Variants in ZNF385D observed in about 807,000 individuals in gnomAD.
ZNF385D encodes the protein zinc finger protein 385D.
ZNF385D carries 15 observed loss-of-function variants against 35.8 expected under a neutral mutation model. That is an observed-to-expected ratio of 0.42 (90% CI 0.28 to 0.64). The LOEUF is 0.64. ZNF385D is among the 30% of genes least tolerant of loss of function. The probability of loss-of-function intolerance (pLI) is 0.23; values close to 1 mark genes in which losing one functional copy is unlikely to be tolerated. For missense variants in ZNF385D, 474 were observed against 494.6 expected, an observed-to-expected ratio of 0.96 and a Z score of 0.39; for synonymous variants, 212 against 186.8, an observed-to-expected ratio of 1.13 and a Z score of -1.10.
At chr3:22,124,564 C>G (rs776913288) in intron 3 of ZNF385D, among the ~76,000 whole-genome samples, 1 of 152,092 alleles carries the variant, frequency 6.6e-6, no homozygotes, top group Non-Finnish European at 1.5e-5. Flanking sequence ...ATTCCTGTCT[C>G]CACATTCTCG....
chr3:22,085,639 C>A (rs1559357394), intron 3 of ZNF385D, among the ~76,000 whole-genome samples: 1 of 152,148 alleles, frequency 6.6e-6, no homozygotes, highest in Admixed American at 6.5e-5. Flanking sequence ...CCGAATTCTA[C>A]CAGAGGTACA....
intron 3 of ZNF385D, among the ~76,000 whole-genome samples, chr3:22,132,922 A>T (rs1703885691): frequency 6.6e-6 from 1 of 152,158 alleles, no homozygotes; most frequent in Non-Finnish European, 1.5e-5. Context: ...CGGTTAACTT[A>T]TGAAAATGTA....
chr3:21,796,851 C>T (rs2072175528), intron 3 of ZNF385D, among the ~76,000 whole-genome samples: 1 of 152,156 alleles, frequency 6.6e-6, no homozygotes, highest in African/African-American at 2.4e-5. Context: ...ACTCAGTCCA[C>T]AAGGCACTGG....
chr3:21,878,564 C>G (rs1315755631), intron 3 of ZNF385D, among the ~76,000 whole-genome samples: 1 of 152,038 alleles, frequency 6.6e-6, no homozygotes, highest in Non-Finnish European at 1.5e-5. Flanking sequence ...ATTTTAACAG[C>G]TGCATAGTAT....
intron 3 of ZNF385D, among the ~76,000 whole-genome samples, chr3:22,114,673 CA>C (rs1702719347): frequency 6.6e-6 from 1 of 152,042 alleles, no homozygotes; most frequent in South Asian, 2.1e-4. Flanking sequence ...TCTCCCAGGT[CA>C]GGGGTGAAGA....
upstream of ZNF385D, among the ~76,000 whole-genome samples, chr3:21,753,677 GAT>G: frequency 1.3e-5 from 2 of 152,276 alleles, no homozygotes; most frequent in East Asian, 3.9e-4. Flanking sequence ...GAAAACAAGT[GAT>G]GTTTGTTTTA....
chr3:21,945,993 T>C (rs889008757), intron 3 of ZNF385D, among the ~76,000 whole-genome samples: 3 of 152,194 alleles, frequency 2.0e-5, no homozygotes, highest in Non-Finnish European at 2.9e-5. Context: ...AACTCAGTAA[T>C]CATCTCTTAA....
At chr3:21,584,334 C>G (rs1331463301) in intron 2 of ZNF385D, among the ~76,000 whole-genome samples, 2 of 152,310 alleles carry the variant, frequency 1.3e-5, no homozygotes, top group East Asian at 3.9e-4. Flanking sequence ...TGTCTTTTAA[C>G]TGCAACTCAT....
In ZNF385D at chr3:22,137,485, G is replaced by A. The variant is rs539937486; in HGVS notation, c.325+31332C>T. ...AAGCTTATCCACCATGATCAAATGGGCTTCATCCCTGGGATGCAAGGCTGG... is the reference window on the plus strand; with the variant it reads ...AAGCTTATCCACCATGATCAAATGGACTTCATCCCTGGGATGCAAGGCTGG... On this transcript the variant is annotated intron_variant, in intron 3 of 5. Coordinates refer to the ZNF385D transcript ENST00000494108. 3.9e-5 allele frequency among the ~76,000 whole-genome samples: 6 copies of A among 152,272 alleles called. No individual in the cohort carries two copies. The East Asian group carries it at 1.2e-3, about 29-fold the overall frequency.
chr3:22,090,738 C>G (rs567203423), intron 3 of ZNF385D, among the ~76,000 whole-genome samples: 1 of 152,114 alleles, frequency 6.6e-6, no homozygotes. Context: ...GGGGGACATA[C>G]GTTTGAACCA....
chr3:21,883,280 G>C (rs1477153251), intron 3 of ZNF385D, among the ~76,000 whole-genome samples: 1 of 151,674 alleles, frequency 6.6e-6, no homozygotes. Context: ...TAAACTTAAA[G>C]ATTTATATTA....
chr3:21,494,611 T>C (rs770410773), intron 4 of ZNF385D, among the ~76,000 whole-genome samples: 1 of 152,128 alleles, frequency 6.6e-6, no homozygotes, highest in Non-Finnish European at 1.5e-5. Flanking sequence ...TCTTGGTCAA[T>C]TTTCCTAACT....
intron 2 of ZNF385D, among the ~76,000 whole-genome samples, chr3:21,568,253 AAAT>A (rs1468034774): frequency 7.2e-5 from 11 of 152,292 alleles, no homozygotes; most frequent in Admixed American, 5.9e-4. Flanking sequence ...GGCAAAATCT[AAAT>A]AATAACCAGT....
At chr3:21,971,966 T>G (rs1235506589) in intron 3 of ZNF385D, among the ~76,000 whole-genome samples, 1 of 151,926 alleles carries the variant, frequency 6.6e-6, no homozygotes, top group Non-Finnish European at 1.5e-5. Context: ...AAAGCACATA[T>G]TATCAGAGTT....
chr3:21,895,143 A>T (rs957062779), intron 3 of ZNF385D, among the ~76,000 whole-genome samples: 10 of 152,028 alleles, frequency 6.6e-5, no homozygotes, highest in Non-Finnish European at 1.2e-4. Context: ...GATTAAAAAT[A>T]GGTTGGTATA....
intron 2 of ZNF385D, among the ~76,000 whole-genome samples, chr3:22,246,076 G>A (rs775535775): frequency 6.6e-6 from 1 of 152,080 alleles, no homozygotes; most frequent in Non-Finnish European, 1.5e-5. Context: ...CATAACAGAT[G>A]CTTGGATCAG....
intron 3 of ZNF385D, among the ~76,000 whole-genome samples, chr3:21,865,590 A>C (rs140527684): frequency 0.014 from 2,147 of 152,226 alleles, 43 homozygotes; most frequent in African/African-American, 0.049. Context: ...AGCGTCATAC[A>C]TTGTATCTTT....
intron 1 of ZNF385D, 115 bp from the exon 2 acceptor site, chr3:21,665,143 A>C: frequency 1.5e-6 from 2 of 1,329,726 alleles, no homozygotes; most frequent in Non-Finnish European, 2.0e-6. Context: ...AAAACAAGAC[A>C]TGGACTCTAT....
At chr3:21,830,350 T>A (rs1694910029) in intron 3 of ZNF385D, among the ~76,000 whole-genome samples, 1 of 152,220 alleles carries the variant, frequency 6.6e-6, no homozygotes, top group African/African-American at 2.4e-5. Context: ...TTGGATGAAT[T>A]GATTACATTG....
Sources: allele counts gnomAD v4.1 joint callset (sites outside exome capture counted in the v4.1 genomes callset), GRCh38; gene constraint gnomAD v4.1.1; transcripts MANE v1.5; gene names NCBI Gene and HGNC (gene_info 2026-07-23, HGNC 2026-07-21).